The following KCNMB2 variants were observed in gnomAD, a reference collection of about 807,000 sequenced individuals.
KCNMB2 encodes the protein potassium calcium-activated channel subfamily M regulatory beta subunit 2, also known as calcium-activated potassium channel subunit beta-2.
Under a neutral mutation model 24.5 loss-of-function variants are expected in KCNMB2, and 9 were observed. The ratio of observed to expected loss-of-function variants is 0.37; its 90% CI spans 0.22 to 0.64. The LOEUF is 0.64. Among genes scored for constraint, KCNMB2 ranks in the 30% least tolerant of loss-of-function variants. KCNMB2 has a pLI of 0.63. For synonymous variants in KCNMB2, 109 were observed against 104.4 expected, an observed-to-expected ratio of 1.04 and a Z score of -0.27; for missense variants, 226 against 284.3, an observed-to-expected ratio of 0.79 and a Z score of 1.47.
intron 2 of KCNMB2, among the ~76,000 whole-genome samples, chr3:178,821,797 C>G (rs558799911): frequency 2.0e-5 from 3 of 152,276 alleles, no homozygotes; most frequent in South Asian, 2.1e-4. Context: ...ACTTCCTCAT[C>G]ATCCCCTGTA....
chr3:178,684,206 T>C (rs1408182645), intron 1 of KCNMB2, among the ~76,000 whole-genome samples: 3 of 152,038 alleles, frequency 2.0e-5, no homozygotes, highest in Non-Finnish European at 4.4e-5. Flanking sequence ...ACCACATGGA[T>C]AAGTCTGGAG....
At chr3:178,694,324 G>T (rs1559977130) in intron 1 of KCNMB2, among the ~76,000 whole-genome samples, 1 of 152,122 alleles carries the variant, frequency 6.6e-6, no homozygotes, top group Non-Finnish European at 1.5e-5. Context: ...AATTAAAGAT[G>T]AGATTTGGGT....
intron 1 of KCNMB2, among the ~76,000 whole-genome samples, chr3:178,649,475 C>G (rs1471426397): frequency 6.7e-6 from 1 of 149,524 alleles, no homozygotes; most frequent in South Asian, 2.1e-4. Context: ...TGGTAGAATT[C>G]GGCTGTGAAC....
intron 1 of KCNMB2, among the ~76,000 whole-genome samples, chr3:178,554,319 C>T (rs114992682): frequency 2.0e-5 from 3 of 152,098 alleles, no homozygotes; most frequent in Non-Finnish European, 4.4e-5. Context: ...AAATTTGAAT[C>T]AACTTTTAAT....
rs182166077 is a variant in KCNMB2, at chr3:178,763,262, G to A, written c.-67-44081G>A. On this transcript the variant is annotated intron_variant, in intron 1 of 4. Transcript: ENST00000452583. ...ATGTATAGTCATTCTTTAATATGAA[G>A]CCAGTAAGTCAGGCTTTGTGATTTT... 5.3e-5 allele frequency among the ~76,000 whole-genome samples: 8 copies of A among 152,262 alleles called. No individual in the cohort carries two copies. The East Asian group carries it at 1.5e-3, about 29-fold the overall frequency.
intron 1 of KCNMB2, among the ~76,000 whole-genome samples, chr3:178,639,647 T>C (rs1719651185): frequency 6.6e-6 from 1 of 152,240 alleles, no homozygotes; most frequent in African/African-American, 2.4e-5. Flanking sequence ...AGGGCTCTTC[T>C]CAAACTGATC....
intron 1 of KCNMB2, among the ~76,000 whole-genome samples, chr3:178,771,672 C>T (rs1712372361): frequency 6.6e-6 from 1 of 151,688 alleles, no homozygotes; most frequent in Non-Finnish European, 1.5e-5. Flanking sequence ...AATGCACCTC[C>T]CCCACTTCCA....
intron 1 of KCNMB2, among the ~76,000 whole-genome samples, chr3:178,627,285 A>G (rs1719157007): frequency 6.6e-6 from 1 of 152,216 alleles, no homozygotes; most frequent in South Asian, 2.1e-4. Flanking sequence ...CAAAGAAAAT[A>G]CTAAGACTAA....
chr3:178,579,107 T>C (rs1190178125), intron 1 of KCNMB2, among the ~76,000 whole-genome samples: 4 of 152,134 alleles, frequency 2.6e-5, no homozygotes, highest in Non-Finnish European at 5.9e-5. Flanking sequence ...ATTCTAAAAT[T>C]GACCACATAA....
At chr3:178,784,966 C>T (rs1485988342) in intron 1 of KCNMB2, among the ~76,000 whole-genome samples, 1 of 151,060 alleles carries the variant, frequency 6.6e-6, no homozygotes, top group East Asian at 1.9e-4. Context: ...CTGACAAATG[C>T]TAATATTCAA....
chr3:178,722,885 C>T (rs1041246084), intron 1 of KCNMB2, among the ~76,000 whole-genome samples: 2 of 151,900 alleles, frequency 1.3e-5, no homozygotes, highest in Non-Finnish European at 2.9e-5. Flanking sequence ...AGAGCAAGAC[C>T]CTGTCTTAAA....
intron 1 of KCNMB2, among the ~76,000 whole-genome samples, chr3:178,708,075 GT>G (rs1002791580): frequency 1.8e-4 from 27 of 152,120 alleles, no homozygotes; most frequent in African/African-American, 6.5e-4. Flanking sequence ...TCTTTAAAAT[GT>G]TAACATGCCA....
chr3:178,641,668 A>G (rs1719732802), intron 1 of KCNMB2, among the ~76,000 whole-genome samples: 1 of 151,898 alleles, frequency 6.6e-6, no homozygotes, highest in South Asian at 2.1e-4. Flanking sequence ...TCTTGTTTTT[A>G]CCTTACTGCA....
At chr3:178,742,497 G>T (rs1053511613) in intron 1 of KCNMB2, among the ~76,000 whole-genome samples, 1 of 152,046 alleles carries the variant, frequency 6.6e-6, no homozygotes, top group African/African-American at 2.4e-5. Flanking sequence ...ATTATTTTTG[G>T]TCGAGGCAAA....
At chr3:178,713,786 G>T (rs1033504323) in intron 1 of KCNMB2, among the ~76,000 whole-genome samples, 6 of 152,128 alleles carry the variant, frequency 3.9e-5, no homozygotes, top group Non-Finnish European at 8.8e-5. Flanking sequence ...ACAATTTAAT[G>T]AATGGAGGCC....
At chr3:178,591,835 T>C (rs1202881583) in intron 1 of KCNMB2, among the ~76,000 whole-genome samples, 1 of 152,150 alleles carries the variant, frequency 6.6e-6, no homozygotes, top group African/African-American at 2.4e-5. Context: ...GGTCGGTCAG[T>C]CCACAGGTTG....
intron 1 of KCNMB2, among the ~76,000 whole-genome samples, chr3:178,674,644 G>A (rs1018090828): frequency 6.6e-6 from 1 of 151,828 alleles, no homozygotes; most frequent in Non-Finnish European, 1.5e-5. Context: ...CCCCATCATG[G>A]TCTATTTCCA....
At chr3:178,690,944 T>C (rs1436144990) in intron 1 of KCNMB2, among the ~76,000 whole-genome samples, 3 of 151,928 alleles carry the variant, frequency 2.0e-5, no homozygotes, top group Non-Finnish European at 4.4e-5. Flanking sequence ...GTTTATAATC[T>C]TTTATTTTTT....
At chr3:178,789,349 CT>C (rs1016159099) in intron 1 of KCNMB2, among the ~76,000 whole-genome samples, 1 of 152,152 alleles carries the variant, frequency 6.6e-6, no homozygotes, top group African/African-American at 2.4e-5. Context: ...GCAAGACAAC[CT>C]AATAGAACCC....
Sources: allele counts gnomAD v4.1 joint callset (sites outside exome capture counted in the v4.1 genomes callset), GRCh38; gene constraint gnomAD v4.1.1; transcripts MANE v1.5; gene names NCBI Gene and HGNC (gene_info 2026-07-23, HGNC 2026-07-21).